Variants in TENM2 observed in about 807,000 individuals in gnomAD.
The protein encoded by TENM2 is teneurin transmembrane protein 2, also known as teneurin-2.
TENM2 carries 52 observed loss-of-function variants against 245.2 expected under a neutral mutation model. The ratio of observed to expected loss-of-function variants is 0.21; its 90% CI spans 0.17 to 0.27. The LOEUF (loss-of-function observed/expected upper bound fraction) is 0.27. TENM2 is among the 10% of genes least tolerant of loss of function. TENM2 has a pLI of 1.00. For synonymous variants in TENM2, 1,363 were observed against 1,438.9 expected, an observed-to-expected ratio of 0.95 and a Z score of 1.19; for missense variants, 3,046 against 3,666.8, an observed-to-expected ratio of 0.83 and a Z score of 4.37.
At chr5:168,201,235 G>A (rs946695360) in intron 17 of TENM2, among the ~76,000 whole-genome samples, 1 of 151,900 alleles carries the variant, frequency 6.6e-6, no homozygotes, top group African/African-American at 2.4e-5. Context: ...AGAGTAACTA[G>A]TGTATTTAAT....
chr5:167,192,617 G>A, the TENM2 span, among the ~76,000 whole-genome samples: 3 of 152,040 alleles, frequency 2.0e-5, no homozygotes, highest in Admixed American at 6.6e-5. Context: ...ACTTCAAAAT[G>A]TACTCCCAAT....
intron 4 of TENM2, among the ~76,000 whole-genome samples, chr5:167,988,292 A>G (rs1264087410): frequency 6.6e-6 from 1 of 152,220 alleles, no homozygotes; most frequent in Non-Finnish European, 1.5e-5. Context: ...TTTAACAACG[A>G]TTTGTTGAGT....
Position 167,350,732 on chromosome 5 carries a change from T to TGTATATATATATGGGATATATACATAC in TENM2, c.227-24465_227-24464insTATATATATATGGGATATATACATACG, listed in dbSNP as rs1554137806. Among the ~76,000 whole-genome samples, 83 of 88,760 alleles carry TGTATATATATATGGGATATATACATAC rather than the reference T, an allele frequency of 9.4e-4. 5 individuals are homozygous for TGTATATATATATGGGATATATACATAC. The highest frequency in any genetic ancestry group is 1.8e-3 in the Non-Finnish European group (76 of 42,464). The allele number at this position is 88,760 out of a possible 152,430, so 58.2% of individuals were successfully genotyped here. ...TATATATATATGGGATATATACATATGGATATATATATATGGGATATATAC... is the reference window on the plus strand; with the variant it reads ...TATATATATATGGGATATATACATATGTATATATATATGGGATATATACATACGGATATATATATATGGGATATATAC... On this transcript the variant is annotated intron_variant, in intron 1 of 28. Transcript: ENST00000518659.
In TENM2 at chr5:167,440,875, AG is replaced by A. The variant is rs1268661113; in HGVS notation, c.502+65404del. Among the ~76,000 whole-genome samples, 61 of 9,580 alleles carry A rather than the reference AG, an allele frequency of 6.4e-3. No homozygotes were observed. The Non-Finnish European group carries it at 0.16, about 26-fold the overall frequency. The allele number at this position is 9,580 out of a possible 152,430, so 6.3% of individuals were successfully genotyped here. ...GTCAACAGTCTGTGGCAGATTAGAA[AG>A]GCAGCGCAGCACTGTTTGGTTGTAT... On this transcript the variant is annotated intron_variant, in intron 2 of 28. Transcript: ENST00000518659.
rs777170514 is a variant in TENM2 at position 167,853,289 on chromosome 5, C to CAAAAAAAAAAAAAAAAAAAAAAAAAAAA, written c.503-22674_503-22673insAAAAAAAAAAAAAAAAAAAAAAAAAAAA. ...TGGGAGACAGAGCGAGACTCCGTCT[C>CAAAAAAAAAAAAAAAAAAAAAAAAAAAA]AAAAAAAAAAAAAAAAAAAAAAAGA... On this transcript the variant is annotated intron_variant, in intron 2 of 28. Coordinates refer to ENST00000518659, the Ensembl canonical transcript of TENM2. Among the ~76,000 whole-genome samples, 13 of 24,620 alleles carry CAAAAAAAAAAAAAAAAAAAAAAAAAAAA rather than the reference C, an allele frequency of 5.3e-4. 3 individuals are homozygous for CAAAAAAAAAAAAAAAAAAAAAAAAAAAA. Among genetic ancestry groups the CAAAAAAAAAAAAAAAAAAAAAAAAAAAA allele is most frequent in the East Asian group, 9.6e-4 (1 of 1,040 alleles). The allele number at this position is 24,620 out of a possible 152,430, so 16.2% of individuals were successfully genotyped here. A position where few individuals can be genotyped will look rare whatever the true frequency, so the allele number is the denominator to read the frequency against.
the TENM2 span, among the ~76,000 whole-genome samples, chr5:167,261,122 C>A: frequency 6.6e-6 from 1 of 152,148 alleles, no homozygotes; most frequent in South Asian, 2.1e-4. Context: ...CCCTCCCCAT[C>A]CCCAGCTGCT....
chr5:167,474,794 G>T (rs1217457222), intron 2 of TENM2, among the ~76,000 whole-genome samples: 1 of 152,188 alleles, frequency 6.6e-6, no homozygotes, highest in African/African-American at 2.4e-5. Flanking sequence ...GGGATTACAG[G>T]CGTGAGCCAT....
intron 2 of TENM2, among the ~76,000 whole-genome samples, chr5:167,685,947 C>G (rs558691755): frequency 2.0e-5 from 3 of 152,282 alleles, no homozygotes; most frequent in African/African-American, 7.2e-5. Context: ...GAGTTTAAAT[C>G]TAGCACTACC....
chr5:167,350,983 G>GATATATATATGGATTATATACATATGGAT (rs1561884104), intron 1 of TENM2, among the ~76,000 whole-genome samples: 1 of 30,462 alleles, frequency 3.3e-5, no homozygotes, highest in Admixed American at 4.7e-4. Flanking sequence ...TATACATATG[G>GATATATATATGGATTATATACATATGGAT]ATATATATAT....
the TENM2 span, among the ~76,000 whole-genome samples, chr5:167,242,424 T>C: frequency 1.9e-4 from 29 of 152,282 alleles, no homozygotes; most frequent in South Asian, 6.0e-3. Flanking sequence ...TGATTAACCT[T>C]TGATGATGAA....
chr5:167,331,113 G>A (rs1342818079), intron 1 of TENM2, among the ~76,000 whole-genome samples: 1 of 151,580 alleles, frequency 6.6e-6, no homozygotes, highest in African/African-American at 2.4e-5. Flanking sequence ...GCACGTGCCT[G>A]TAGTCCCAGC....
the TENM2 span, among the ~76,000 whole-genome samples, chr5:167,277,783 A>G: frequency 6.6e-6 from 1 of 151,882 alleles, no homozygotes; most frequent in Admixed American, 6.6e-5. Context: ...TATTTTGCAG[A>G]TATGTTTTTT....
At chr5:168,228,943 TATATACATTATATGTATACATA>T (rs1764546600) in intron 25 of TENM2, among the ~76,000 whole-genome samples, 4 of 147,918 alleles carry the variant, frequency 2.7e-5, no homozygotes, top group Non-Finnish European at 1.5e-5. Context: ...AATGTATAAT[TATATACATTATATGTATACATA>T]ATATACATAT....
the TENM2 span, chr5:167,116,308 AG>A: frequency 6.6e-6 from 1 of 152,264 alleles, no homozygotes; most frequent in African/African-American, 2.4e-5. Flanking sequence ...AGTTTGGGCC[AG>A]GCTGTTGCAG....
At chr5:168,191,136 C>A (rs1760918550) in intron 14 of TENM2, among the ~76,000 whole-genome samples, 1 of 152,182 alleles carries the variant, frequency 6.6e-6, no homozygotes, top group African/African-American at 2.4e-5. Context: ...TGCATTTCAC[C>A]CCTCATTCTC....
At chr5:167,315,316 A>G (rs76473847) in intron 1 of TENM2, among the ~76,000 whole-genome samples, 3,945 of 152,294 alleles carry the variant, frequency 0.026, 200 homozygotes, top group African/African-American at 0.089. Flanking sequence ...AGGTGGTATC[A>G]TATGTTTGTT....
intron 3 of TENM2, among the ~76,000 whole-genome samples, chr5:167,924,674 G>A (rs945284209): frequency 6.6e-6 from 1 of 152,190 alleles, no homozygotes. Flanking sequence ...TGCATTAGAA[G>A]CGCCTGGAGA....
At chr5:168,224,383 C>T (rs1763961679) in intron 23 of TENM2, among the ~76,000 whole-genome samples, 2 of 152,306 alleles carry the variant, frequency 1.3e-5, no homozygotes, top group South Asian at 4.1e-4. Flanking sequence ...GCGCGGTGTA[C>T]AGCTTAATGT....
chr5:167,502,537 T>G (rs1472649735), intron 2 of TENM2, among the ~76,000 whole-genome samples: 1 of 152,200 alleles, frequency 6.6e-6, no homozygotes, highest in Admixed American at 6.5e-5. Flanking sequence ...CTTGGTTATT[T>G]CAAATCTGTG....
Sources: allele counts gnomAD v4.1 joint callset (sites outside exome capture counted in the v4.1 genomes callset), GRCh38; gene constraint gnomAD v4.1.1; transcripts MANE v1.5; gene names NCBI Gene and HGNC (gene_info 2026-07-23, HGNC 2026-07-21).